NRXN3: variants seen among roughly 807,000 people sequenced by gnomAD.
NRXN3 encodes the protein neurexin 3.
A neutral mutation model predicts 137.6 loss-of-function variants in NRXN3; 32 were observed. That is an observed-to-expected ratio of 0.23 (90% confidence interval 0.18 to 0.31). NRXN3 has a LOEUF of 0.31. Ranked by LOEUF, NRXN3 falls within the 10% of genes least tolerant of loss-of-function variation. NRXN3 has a pLI of 1.00. For missense variants in NRXN3, 1,574 were observed against 2,062.5 expected, an observed-to-expected ratio of 0.76 and a Z score of 4.59; for synonymous variants, 798 against 784.5, an observed-to-expected ratio of 1.02 and a Z score of -0.29.
At chr14:79,781,090 C>T (rs2099112472) in intron 19 of NRXN3, among the ~76,000 whole-genome samples, 1 of 151,698 alleles carries the variant, frequency 6.6e-6, no homozygotes, top group Non-Finnish European at 1.5e-5. Context: ...ACATAGAAGT[C>T]TACTTTGTTT....
At chr14:78,526,840 A>G (rs1004413871) in intron 4 of NRXN3, 29 of 487,368 alleles carry the variant, frequency 6.0e-5, no homozygotes, top group Non-Finnish European at 7.8e-5. Flanking sequence ...CATATTTTCT[A>G]TGCTTCCTGA....
chr14:78,828,836 CTTAA>C (rs915642659), intron 10 of NRXN3, among the ~76,000 whole-genome samples: 7 of 152,092 alleles, frequency 4.6e-5, no homozygotes, highest in Non-Finnish European at 1.0e-4. Flanking sequence ...TGCATAAAGA[CTTAA>C]GTGAGTTCAA....
At chr14:79,362,237 T>C (rs1383141233) in intron 15 of NRXN3, among the ~76,000 whole-genome samples, 2 of 151,912 alleles carry the variant, frequency 1.3e-5, no homozygotes, top group Non-Finnish European at 2.9e-5. Context: ...GCCATGTTGG[T>C]GTGCTGCACC....
At chr14:78,917,136 G>T (rs1360685494) in intron 10 of NRXN3, among the ~76,000 whole-genome samples, 1 of 152,178 alleles carries the variant, frequency 6.6e-6, no homozygotes, top group Non-Finnish European at 1.5e-5. Context: ...ACCTCATTAA[G>T]CCTGGAAGAG....
intron 3 of NRXN3, among the ~76,000 whole-genome samples, chr14:78,291,967 C>T (rs2075848572): frequency 1.3e-5 from 2 of 151,972 alleles, no homozygotes; most frequent in South Asian, 2.1e-4. Flanking sequence ...AATGCTTTTG[C>T]CAATTACCCA....
intron 4 of NRXN3, among the ~76,000 whole-genome samples, chr14:78,594,043 C>G (rs959103184): frequency 1.3e-5 from 2 of 152,188 alleles, no homozygotes; most frequent in African/African-American, 4.8e-5. Flanking sequence ...CAGAGCATGC[C>G]CTCGGCACGC....
intron 4 of NRXN3, among the ~76,000 whole-genome samples, chr14:78,405,613 C>CGGA (rs5809886): frequency 3.9e-5 from 5 of 128,872 alleles, no homozygotes; most frequent in Admixed American, 8.0e-5. Flanking sequence ...GGGGAAGGGG[C>CGGA]GGGGGGGTTC....
intron 16 of NRXN3, among the ~76,000 whole-genome samples, chr14:79,639,349 T>A (rs2098421133): frequency 6.6e-6 from 1 of 152,222 alleles, no homozygotes; most frequent in Non-Finnish European, 1.5e-5. Context: ...TATTTTTTTC[T>A]GCTCCTCTCC....
At chr14:79,065,781 T>A (rs186421416) in intron 15 of NRXN3, among the ~76,000 whole-genome samples, 1 of 152,240 alleles carries the variant, frequency 6.6e-6, no homozygotes, top group Non-Finnish European at 1.5e-5. Context: ...CATGCCTCTG[T>A]CCAAATTTAC....
chr14:79,487,058 G>C (rs537631094), intron 16 of NRXN3, among the ~76,000 whole-genome samples: 1 of 151,400 alleles, frequency 6.6e-6, no homozygotes, highest in South Asian at 2.1e-4. Flanking sequence ...AGATTGCCTG[G>C]GTTCAAATCC....
At position 78,993,496 on chromosome 14, in the gene NRXN3, C is replaced by T. The variant is rs537225239; in HGVS notation, c.3262+5355C>T. The stretch of plus-strand genomic sequence containing the variant: ...TTTTTGGTTATGTGTTCATTCCCCG[C>T]CATTGTTTTCAGACTCTACCTGCCC... On this transcript the variant is annotated intron_variant, in intron 15 of 20. Transcript: ENST00000335750. 5.3e-5 allele frequency among the ~76,000 whole-genome samples: 8 copies of T among 152,278 alleles called. No individual in the cohort carries two copies. In the East Asian group the frequency reaches 1.3e-3, roughly 26 times the overall value.
chr14:78,423,757 A>G (rs113506275), intron 4 of NRXN3, among the ~76,000 whole-genome samples: 2 of 152,354 alleles, frequency 1.3e-5, no homozygotes, highest in East Asian at 1.9e-4. Flanking sequence ...AATTGTACCA[A>G]TAATGCATCT....
At chr14:79,450,041 C>G (rs1034903271) in intron 15 of NRXN3, among the ~76,000 whole-genome samples, 4 of 151,600 alleles carry the variant, frequency 2.6e-5, no homozygotes, top group African/African-American at 9.7e-5. Context: ...TCTGTCCTCT[C>G]CCCTGCATGC....
At chr14:78,532,844 A>G (rs772746083) in intron 4 of NRXN3, among the ~76,000 whole-genome samples, 1 of 151,076 alleles carries the variant, frequency 6.6e-6, no homozygotes, top group Non-Finnish European at 1.5e-5. Context: ...TCAATGATTT[A>G]TTTTTCCACC....
chr14:79,638,132 T>G (rs941405769), intron 16 of NRXN3, among the ~76,000 whole-genome samples: 2 of 152,202 alleles, frequency 1.3e-5, no homozygotes, highest in African/African-American at 4.8e-5. Flanking sequence ...ATTTGTCACC[T>G]GCCACTTGTC....
chr14:78,681,442 T>C (rs1046917617), intron 6 of NRXN3, among the ~76,000 whole-genome samples: 1 of 152,242 alleles, frequency 6.6e-6, no homozygotes, highest in African/African-American at 2.4e-5. Context: ...CTTGAATCTT[T>C]ACAGCAAGAC....
At chr14:79,708,982 TGAGA>T (rs142447936) in intron 19 of NRXN3, among the ~76,000 whole-genome samples, 4,899 of 150,214 alleles carry the variant, frequency 0.033, 85 homozygotes, top group South Asian at 0.079. Flanking sequence ...TGTGTGTGTG[TGAGA>T]GAGAGAGAGA....
chr14:78,885,152 A>C (rs1305690844), intron 10 of NRXN3, among the ~76,000 whole-genome samples: 2 of 148,482 alleles, frequency 1.3e-5, no homozygotes, highest in Non-Finnish European at 3.0e-5. Flanking sequence ...ATATAAATAT[A>C]AATTACATAT....
At chr14:79,227,824 T>TCCTC (rs1555879248) in intron 15 of NRXN3, among the ~76,000 whole-genome samples, 37,381 of 83,386 alleles carry the variant, frequency 0.45, 7,954 homozygotes, top group Non-Finnish European at 0.53. Flanking sequence ...CTTCCTCCCT[T>TCCTC]CCTCCCTTCC....
Sources: allele counts gnomAD v4.1 joint callset (sites outside exome capture counted in the v4.1 genomes callset), GRCh38; gene constraint gnomAD v4.1.1; transcripts MANE v1.5; gene names NCBI Gene and HGNC (gene_info 2026-07-23, HGNC 2026-07-21).